The following PARD3B variants were observed in gnomAD, a reference collection of about 807,000 sequenced individuals.
The protein encoded by PARD3B is par-3 family cell polarity regulator beta, also known as partitioning defective 3 homolog B.
PARD3B carries 103 observed loss-of-function variants against 130.2 expected under a neutral mutation model. The observed-to-expected ratio is 0.79, with a 90% CI of 0.67 to 0.93. PARD3B has a LOEUF of 0.93. PARD3B is among the 40% of genes least tolerant of loss of function. The pLI, the probability that PARD3B is intolerant of heterozygous loss-of-function variation, is 0.00. For synonymous variants in PARD3B, 583 were observed against 553.2 expected, an observed-to-expected ratio of 1.05 and a Z score of -0.76; for missense variants, 1,609 against 1,499.2, an observed-to-expected ratio of 1.07 and a Z score of -1.21.
At chr2:204,918,248 C>A (rs2047520152) in intron 2 of PARD3B, among the ~76,000 whole-genome samples, 1 of 152,172 alleles carries the variant, frequency 6.6e-6, no homozygotes, top group South Asian at 2.1e-4. Context: ...AAACAGGCAA[C>A]TTGTTTTTTC....
intron 2 of PARD3B, among the ~76,000 whole-genome samples, chr2:204,874,825 A>T (rs762979191): frequency 1.3e-5 from 2 of 152,212 alleles, no homozygotes; most frequent in Non-Finnish European, 2.9e-5. Flanking sequence ...TATAAAAGGA[A>T]TCATAGTTGC....
chr2:204,903,633 C>T (rs927740443), intron 2 of PARD3B, among the ~76,000 whole-genome samples: 6 of 152,068 alleles, frequency 3.9e-5, no homozygotes, highest in Non-Finnish European at 5.9e-5. Context: ...GAAAAATTTC[C>T]TCATTCTCTT....
At chr2:205,495,139 T>C (rs567212410) in intron 20 of PARD3B, among the ~76,000 whole-genome samples, 4 of 152,272 alleles carry the variant, frequency 2.6e-5, no homozygotes, top group Non-Finnish European at 5.9e-5. Context: ...TAGGTGGCCA[T>C]GAAGAAAATG....
At chr2:205,208,591 C>T (rs944072586) in intron 15 of PARD3B, among the ~76,000 whole-genome samples, 2 of 142,820 alleles carry the variant, frequency 1.4e-5, no homozygotes, top group African/African-American at 5.5e-5. Context: ...AAACAGAGAG[C>T]CAAATCATGA....
At chr2:204,823,194 G>A (rs1444304012) in intron 2 of PARD3B, among the ~76,000 whole-genome samples, 1 of 151,920 alleles carries the variant, frequency 6.6e-6, no homozygotes, top group East Asian at 1.9e-4. Context: ...GTTAGTGAAA[G>A]AACAAAGAAA....
intron 19 of PARD3B, among the ~76,000 whole-genome samples, chr2:205,409,895 T>C (rs1479672377): frequency 6.6e-6 from 1 of 152,108 alleles, no homozygotes; most frequent in Non-Finnish European, 1.5e-5. Flanking sequence ...CTGATAAAAA[T>C]GTGGAAAGAA....
intron 3 of PARD3B, among the ~76,000 whole-genome samples, chr2:204,984,186 G>T (rs1157101275): frequency 6.6e-6 from 1 of 151,854 alleles, no homozygotes; most frequent in South Asian, 2.1e-4. Flanking sequence ...ATTAGCAAAA[G>T]AATTAATAAA....
At chr2:205,408,988 G>A (rs544612690) in intron 19 of PARD3B, among the ~76,000 whole-genome samples, 23 of 152,200 alleles carry the variant, frequency 1.5e-4, no homozygotes, top group Admixed American at 7.2e-4. Context: ...TGGTAAAAAT[G>A]TGTATTTGAA....
chr2:204,933,313 A>G (rs189982553), intron 2 of PARD3B, among the ~76,000 whole-genome samples: 2 of 152,298 alleles, frequency 1.3e-5, no homozygotes, highest in Admixed American at 1.3e-4. Flanking sequence ...TCAGAGCCAC[A>G]ATTAATTTAC....
intron 22 of PARD3B, among the ~76,000 whole-genome samples, chr2:205,605,607 G>GCTGCC (rs1420681371): frequency 6.6e-6 from 1 of 152,190 alleles, no homozygotes; most frequent in Non-Finnish European, 1.5e-5. Context: ...AGCAAAGATG[G>GCTGCC]CTGCCTGCTC....
Position 205,470,028 on chromosome 2 carries a change from TG to T in PARD3B, c.3044+29358del, listed in dbSNP as rs1487261014. 1.3e-5 allele frequency among the ~76,000 whole-genome samples: 2 copies of T among 152,228 alleles called. No homozygotes were observed. Among genetic ancestry groups the T allele is most frequent in the African/African-American group, 4.8e-5 (2 of 41,470 alleles). ...CTTCCTCCCACTATCCTTTTCTTTTTGGCCTCTCTCCTGCTTTCCATTGATG... is the reference window on the plus strand; with the variant it reads ...CTTCCTCCCACTATCCTTTTCTTTTTGCCTCTCTCCTGCTTTCCATTGATG... On this transcript the variant is annotated intron_variant, in intron 20 of 22. Transcript: ENST00000406610. This position sits in a 1 kb window ranked among gnomAD's most constrained non-coding sequence, Gnocchi z 4.8.
chr2:204,639,794 G>C (rs1033910401), intron 1 of PARD3B, among the ~76,000 whole-genome samples: 9 of 152,058 alleles, frequency 5.9e-5, no homozygotes, highest in Non-Finnish European at 2.9e-5. Flanking sequence ...CTTTTTAAAA[G>C]ATACATCCTA....
rs569763225 is a variant in PARD3B, at chr2:204,643,601, AT to A, written c.121-42573del. On this transcript the variant is annotated intron_variant, in intron 1 of 22. Transcript: ENST00000406610. The stretch of plus-strand genomic sequence containing the variant: ...GTAAACTGTCTTAAAACATTATGAG[AT>A]TTTTTTGTGATTTTTTTAAGCTCAT... 3.0e-4 allele frequency among the ~76,000 whole-genome samples: 45 copies of A among 151,888 alleles called. 1 individual carries two copies. In the East Asian group the frequency reaches 8.4e-3, roughly 28 times the overall value.
Position 204,678,016 on chromosome 2 carries a change from A to C in PARD3B, c.121-8165A>C, listed in dbSNP as rs995857122. Among the ~76,000 whole-genome samples, 9 of 152,312 alleles carry C rather than the reference A, an allele frequency of 5.9e-5. No individual in the cohort carries two copies. The highest frequency in any genetic ancestry group is 2.2e-4 in the African/African-American group (9 of 41,570). On this transcript the variant is annotated intron_variant, in intron 1 of 22. Coordinates refer to ENST00000406610, the MANE Select transcript of PARD3B (RefSeq NM_001302769.2). The surrounding 1 kb of genome is among the most constrained non-coding windows in gnomAD (Gnocchi z 4.2). ...TCACATTTTTGGAAGCAAAGATATT[A>C]TTTTCATTTTTATGTAAATACCTTG...
At chr2:204,848,265 C>T (rs1342671496) in intron 2 of PARD3B, among the ~76,000 whole-genome samples, 1 of 152,078 alleles carries the variant, frequency 6.6e-6, no homozygotes, top group African/African-American at 2.4e-5. Context: ...TGGAGCATAT[C>T]CCCTGTGGAT....
chr2:205,197,032 G>GGT (rs1220147246), intron 15 of PARD3B, among the ~76,000 whole-genome samples: 1,222 of 54,886 alleles, frequency 0.022, 8 homozygotes, highest in South Asian at 0.073. Flanking sequence ...GTGGGGGGGG[G>GGT]GTGTGTGTGT....
At chr2:205,394,162 C>G (rs1451052705) in intron 18 of PARD3B, among the ~76,000 whole-genome samples, 2 of 152,038 alleles carry the variant, frequency 1.3e-5, no homozygotes, top group Non-Finnish European at 2.9e-5. Context: ...TCAAATTCCA[C>G]TTTTCCAGAT....
intron 21 of PARD3B, among the ~76,000 whole-genome samples, chr2:205,524,735 A>AGTCT (rs2051259068): frequency 6.6e-6 from 1 of 152,156 alleles, no homozygotes; most frequent in Admixed American, 6.5e-5. Flanking sequence ...TAATCTCATC[A>AGTCT]GTCTCATAAC....
chr2:204,628,619 A>G (rs2034567517), intron 1 of PARD3B, among the ~76,000 whole-genome samples: 1 of 152,186 alleles, frequency 6.6e-6, no homozygotes, highest in Admixed American at 6.5e-5. Context: ...ACCATCTGAC[A>G]CTCAAGGTTA....
Sources: allele counts gnomAD v4.1 joint callset (sites outside exome capture counted in the v4.1 genomes callset), GRCh38; gene constraint gnomAD v4.1.1; non-coding constraint Gnocchi (gnomAD v3.1); transcripts MANE v1.5; gene names NCBI Gene and HGNC (gene_info 2026-07-23, HGNC 2026-07-21).